N4BP1: variants seen among roughly 807,000 people sequenced by gnomAD.
N4BP1 encodes the protein NEDD4 binding protein 1, also known as NEDD4-binding protein 1.
Under a neutral mutation model 70.9 loss-of-function variants are expected in N4BP1, and 21 were observed. The ratio of observed to expected loss-of-function variants is 0.30; its 90% CI spans 0.21 to 0.43. N4BP1 has a LOEUF of 0.43. N4BP1 is among the 20% of genes least tolerant of loss of function. The pLI, the probability that N4BP1 is intolerant of heterozygous loss-of-function variation, is 1.00. For synonymous variants in N4BP1, 387 were observed against 394.6 expected, an observed-to-expected ratio of 0.98 and a Z score of 0.23; for missense variants, 936 against 1,069.4, an observed-to-expected ratio of 0.88 and a Z score of 1.74.
chr16:48,541,163 A>G lies in N4BP1; in HGVS notation c.*1741T>C, dbSNP rs551119151. 1.3e-5 allele frequency: 2 copies of G among 152,422 alleles called. No homozygotes were observed. Among genetic ancestry groups the G allele is most frequent in the African/African-American group, 4.8e-5 (2 of 41,580 alleles). The allele number at this position is 152,422 out of a possible 1,614,324, so 9.4% of individuals were successfully genotyped here. On this transcript the variant is annotated 3_prime_UTR_variant, in exon 7 of 7. Coordinates refer to ENST00000262384, the MANE Select transcript of N4BP1 (RefSeq NM_153029.4). ...GGGTTTCCTCTGAAGCAGAGGAGAA[A>G]TAGTGGGTCAGCCAGGCTGCTGGAC...
At chr16:48,584,036 T>C (rs1057207132) in intron 1 of N4BP1, among the ~76,000 whole-genome samples, 1 of 152,226 alleles carries the variant, frequency 6.6e-6, no homozygotes. Context: ...CTTAGCCACA[T>C]GTCCCTGTCC....
chr16:48,556,451 T>A (rs1006224053), intron 2 of N4BP1, among the ~76,000 whole-genome samples: 1 of 152,188 alleles, frequency 6.6e-6, no homozygotes, highest in African/African-American at 2.4e-5. Context: ...AAAGGTCTAT[T>A]TCGACCCAAA....
At position 48,541,222 on chromosome 16, in the gene N4BP1, A is replaced by C. The variant is rs886997057; in HGVS notation, c.*1682T>G. On this transcript the variant is annotated 3_prime_UTR_variant, in exon 7 of 7. Coordinates refer to ENST00000262384, the MANE Select transcript of N4BP1 (RefSeq NM_153029.4). ...GAGCCAGAAGGCCAGAATCACTGCA[A>C]GACAGCTCCAGCCCGCACACCTCAG... is the stretch of plus-strand genomic sequence containing the variant. 3 of 152,292 alleles carry C rather than the reference A, an allele frequency of 2.0e-5. No homozygotes were observed. Among genetic ancestry groups the C allele is most frequent in the Admixed American group, 1.3e-4 (2 of 15,286 alleles). The allele number at this position is 152,292 out of a possible 1,614,324, so 9.4% of individuals were successfully genotyped here.
At chr16:48,586,503 T>C (rs1489594861) in intron 1 of N4BP1, among the ~76,000 whole-genome samples, 3 of 152,238 alleles carry the variant, frequency 2.0e-5, no homozygotes, top group East Asian at 1.9e-4. Context: ...TTTACCCTTG[T>C]CTATAACGTA....
At chr16:48,607,372 G>T (rs573914105) in intron 1 of N4BP1, among the ~76,000 whole-genome samples, 17 of 152,236 alleles carry the variant, frequency 1.1e-4, no homozygotes, top group South Asian at 2.1e-4. Flanking sequence ...CTACAGTGGA[G>T]ATTTAAGCTG....
At chr16:48,589,466 C>T (rs372226615) in intron 1 of N4BP1, among the ~76,000 whole-genome samples, 2 of 152,238 alleles carry the variant, frequency 1.3e-5, no homozygotes, top group South Asian at 4.1e-4. Context: ...ATAGCTAATA[C>T]CTATCCTGAA....
At position 48,548,130 on chromosome 16, in the gene N4BP1, A is replaced by G. The variant is rs1309162699; in HGVS notation, c.2118-16T>C. 3 of 1,496,818 alleles carry G rather than the reference A, an allele frequency of 2.0e-6. No homozygotes were observed. Among genetic ancestry groups the G allele is most frequent in the Non-Finnish European group, 2.8e-6 (3 of 1,077,946 alleles). The allele number at this position is 1,496,818 out of a possible 1,614,324, so 92.7% of individuals were successfully genotyped here. ...TAGTAGAAACCTATGGTAATATAAG[A>G]GAGTTTAAAATCAGCAACAGGCATC... On this transcript the variant is annotated splice_polypyrimidine_tract_variant and intron_variant, in intron 4 of 6. Transcript: ENST00000262384.
chr16:48,592,517 A>G (rs547925675), intron 1 of N4BP1, among the ~76,000 whole-genome samples: 129 of 152,304 alleles, frequency 8.5e-4, no homozygotes, highest in Non-Finnish European at 1.6e-3. Flanking sequence ...TGTTACAACT[A>G]CTGGATATTC....
At chr16:48,572,070 T>G (rs2151092700) in intron 1 of N4BP1, among the ~76,000 whole-genome samples, 1 of 152,154 alleles carries the variant, frequency 6.6e-6, no homozygotes, top group African/African-American at 2.4e-5. Context: ...CATGGTGGCA[T>G]GTGCCTGTAG....
intron 1 of N4BP1, among the ~76,000 whole-genome samples, chr16:48,607,370 G>A (rs1468550562): frequency 1.3e-5 from 2 of 152,218 alleles, no homozygotes; most frequent in East Asian, 3.8e-4. Context: ...TACTACAGTG[G>A]AGATTTAAGC....
chr16:48,595,501 C>CTATT (rs1964399170), intron 1 of N4BP1, among the ~76,000 whole-genome samples: 2 of 143,988 alleles, frequency 1.4e-5, no homozygotes, highest in African/African-American at 2.6e-5. Context: ...TTCTTTTGCA[C>CTATT]TATTTACAGC....
rs1963860991 is a variant in N4BP1 at position 48,561,756 on chromosome 16, T to C, written c.887A>G (p.Lys296Arg). The C allele has an allele frequency of 1.9e-6, 3 of 1,612,532 alleles. No individual in the cohort carries two copies. The highest frequency in any genetic ancestry group is 2.5e-6 in the Non-Finnish European group (3 of 1,179,884). The change falls in exon 2 of 7, where the codon AAG (lysine) becomes AGG (arginine). Residue 296 changes from lysine to arginine, a missense_variant. Around this residue, in one of 4 missense-constraint regions of N4BP1, gnomAD observed 515 missense variants for 491.7 expected, o/e 1.05. Coordinates refer to ENST00000262384, the MANE Select transcript of N4BP1 (RefSeq NM_153029.4). ...AACATTTTCCAAAGAAAACTGCTTC[T>C]TCGTATGCCTTTCTTCAGAATCAGA... ...RFSDSEERHT[K>R]KQFSLENVQE...
Position 48,543,254 on chromosome 16 carries a change from G to T in N4BP1, c.2341C>A (p.Gln781Lys), listed in dbSNP as rs768125167. 1 of 1,515,006 alleles carries T rather than the reference G, an allele frequency of 6.6e-7. No homozygotes were observed. Among genetic ancestry groups the T allele is most frequent in the South Asian group, 1.3e-5 (1 of 74,974 alleles). The allele number at this position is 1,515,006 out of a possible 1,614,324, so 93.8% of individuals were successfully genotyped here. The change falls in exon 7 of 7, where the codon CAG becomes AAG. Residue 781 changes from glutamine to lysine, a missense_variant. Physicochemically the swap from Gln to Lys is moderately conservative, Grantham distance 53. This residue lies in a region of N4BP1 where 229 missense variants were observed against 343.5 expected (regional missense o/e 0.67). Coordinates refer to ENST00000262384, the MANE Select transcript of N4BP1 (RefSeq NM_153029.4). ...LQKEVCLRDM[Q>K]PLLSALPNVG... ...TTTGGCAGGGCACTGAGTAGGGGCT[G>T]CATATCTCTGTGAATGGAAGTGAGT...
At chr16:48,592,827 G>GGCA (rs1467334055) in intron 1 of N4BP1, among the ~76,000 whole-genome samples, 1 of 152,074 alleles carries the variant, frequency 6.6e-6, no homozygotes, top group African/African-American at 2.4e-5. Flanking sequence ...TACCTCCCTT[G>GGCA]GAGCCATTAC....
chr16:48,551,630 TAAA>T, intron 3 of N4BP1, 148 bp from the exon 4 acceptor site: 1 of 481,390 alleles, frequency 2.1e-6, no homozygotes, highest in Admixed American at 3.8e-5. Flanking sequence ...CACTAGGAAT[TAAA>T]AAAAAAACAA....
At chr16:48,609,706 G>A (rs1300535530) in intron 1 of N4BP1, 69 bp downstream of exon 1, 2 of 1,202,274 alleles carry the variant, frequency 1.7e-6, no homozygotes, top group Non-Finnish European at 2.1e-6. Flanking sequence ...CGGGGGCGGG[G>A]AGGAGCGGGA....
chr16:48,582,786 G>A (rs1567439764), intron 1 of N4BP1, among the ~76,000 whole-genome samples: 1 of 152,134 alleles, frequency 6.6e-6, no homozygotes, highest in Non-Finnish European at 1.5e-5. Context: ...AGATAAGGGG[G>A]ACCACTGTAC....
intron 5 of N4BP1, chr16:48,546,570 G>T (rs983840996): frequency 3.3e-5 from 7 of 209,170 alleles, no homozygotes; most frequent in African/African-American, 6.9e-5. Context: ...TGAAAAATAA[G>T]ATTTAAAGAC....
intron 2 of N4BP1, among the ~76,000 whole-genome samples, chr16:48,557,936 C>A (rs1363980300): frequency 6.6e-6 from 1 of 152,126 alleles, no homozygotes. Context: ...ATTGAAGCAA[C>A]TGATTTAAAA....
Sources: gnomAD v4.1 joint callset for allele counts (sites outside exome capture counted in the v4.1 genomes callset) on GRCh38, gnomAD v4.1.1 for gene constraint, gnomAD v4.1.1 regional missense constraint, MANE v1.5 for transcripts, NCBI Gene and HGNC (gene_info 2026-07-23, HGNC 2026-07-21) for gene names.